The following SLC4A11 variants were observed in gnomAD, a reference collection of about 807,000 sequenced individuals.
The protein encoded by SLC4A11 is solute carrier family 4 member 11.
Under a neutral mutation model 95.0 loss-of-function variants are expected in SLC4A11, and 74 were observed. The ratio of observed to expected loss-of-function variants is 0.78; its 90% CI spans 0.65 to 0.95. The LOEUF (loss-of-function observed/expected upper bound fraction) is 0.95, where lower values mean the gene tolerates loss of function less well. Ranked by LOEUF, SLC4A11 falls within the 40% of genes least tolerant of loss-of-function variation. The pLI, the probability that SLC4A11 is intolerant of heterozygous loss-of-function variation, is 0.00. For synonymous variants in SLC4A11, 548 were observed against 519.0 expected (o/e 1.06, Z -0.76); for missense variants, 1,081 against 1,192.4 (o/e 0.91, Z 1.38).
At chr20:3,238,054 T>C (rs1226924624) in intron 1 of SLC4A11, 1 of 1,488,740 alleles carries the variant, frequency 6.7e-7, no homozygotes, top group Non-Finnish European at 9.0e-7. Flanking sequence ...CTGGGGGCCA[T>C]AAACGCCCAT....
In SLC4A11 at chr20:3,228,592, CAT is replaced by C. The variant is rs2122503902; in HGVS notation, c.2306_2307del (p.Tyr769TrpfsTer93). On this transcript the variant is annotated frameshift_variant, in exon 18 of 20. Coordinates refer to ENST00000642402, the MANE Select transcript of SLC4A11 (RefSeq NM_001174089.2). LOFTEE classifies it high-confidence loss of function. ...PLQWIPKPVL[Y>X]GLFLYIALTS... is the part of the protein sequence containing the mutation. ...GTGAGCGCGATGTAGAGGAAGAGGC[CAT>C]AGAGCACGGGCTTGGGGATCCACTG... 5 of 1,613,322 alleles carry C rather than the reference CAT, an allele frequency of 3.1e-6. No individual in the cohort carries two copies. The highest frequency in any genetic ancestry group is 4.2e-6 in the Non-Finnish European group (5 of 1,179,966).
intron 2 of SLC4A11, among the ~76,000 whole-genome samples, chr20:3,236,461 C>T (rs920412983): frequency 2.6e-5 from 4 of 152,062 alleles, no homozygotes; most frequent in Non-Finnish European, 5.9e-5. Flanking sequence ...TGGTGGCGGG[C>T]GCCTGTAGTC....
At chr20:3,229,060 G>GCTC in intron 16 of SLC4A11, 35 bp downstream of exon 16, 1 of 1,542,148 alleles carries the variant, frequency 6.5e-7, no homozygotes, top group Non-Finnish European at 8.7e-7. Flanking sequence ...AGAGGCCCGG[G>GCTC]CCCCGCCCAC....
chr20:3,231,543 G>A lies in SLC4A11; in HGVS notation c.735C>T (p.Ser245=), dbSNP rs150937996. Residue 245 remains serine (S), a synonymous_variant, in exon 8 of 20, where the codon AGC becomes AGT. Transcript: ENST00000642402. The surrounding 1 kb of genome is among the most constrained non-coding windows in gnomAD (Gnocchi z 5.2). ...ILVLAPPKMK[S]TKTAMEVART... ...GCGCCACCTCCATCGCAGTCTTAGT[G>A]CTTTTCTAGGGGTGGAGGATGGGAG... 5.0e-5 allele frequency: 80 copies of A among 1,612,904 alleles called. 2 individuals carry two copies. The African/African-American group carries it at 9.1e-4, about 18-fold the overall frequency.
In SLC4A11 at chr20:3,231,323, C is replaced by T; in HGVS notation, c.948+7G>A. The T allele has an allele frequency of 6.2e-7, 1 of 1,613,826 alleles. No individual in the cohort carries two copies. The highest frequency in any genetic ancestry group is 8.5e-7 in the Non-Finnish European group (1 of 1,180,020). ...CCTGCCGGCCCCCGCCGGCCTCTACCCTGTACCTCTGGGTGTCTGTGGGCA... is the reference window on the plus strand; with the variant it reads ...CCTGCCGGCCCCCGCCGGCCTCTACTCTGTACCTCTGGGTGTCTGTGGGCA... On this transcript the variant is annotated splice_region_variant and intron_variant, in intron 8 of 19. Coordinates refer to ENST00000642402, the MANE Select transcript of SLC4A11 (RefSeq NM_001174089.2). The surrounding 1 kb of genome is among the most constrained non-coding windows in gnomAD (Gnocchi z 5.2).
intron 7 of SLC4A11, among the ~76,000 whole-genome samples, chr20:3,232,290 C>T (rs1030625021): frequency 5.3e-5 from 8 of 152,272 alleles, no homozygotes; most frequent in African/African-American, 1.9e-4. Context: ...GAACCATGAA[C>T]TCACGAACTC....
chr20:3,228,289 G>A lies in SLC4A11; in HGVS notation c.2528C>T (p.Pro843Leu). The A allele has an allele frequency of 6.2e-7, 1 of 1,612,994 alleles. No homozygotes were observed. Among genetic ancestry groups the A allele is most frequent in the Non-Finnish European group, 8.5e-7 (1 of 1,179,958 alleles). ...SSLPYMKMIF[P>L]LIMIAMIPIR... The stretch of plus-strand genomic sequence containing the variant: ...GGGGATCATGGCGATCATGATGAGG[G>A]GAAAGATCATCTTCATGTAGGGCAG... The change falls in exon 19 of 20, where the codon CCC becomes CTC. Residue 843 changes from proline to leucine, a missense_variant. This residue lies in a region of SLC4A11 where 767 missense variants were observed against 858.0 expected (regional missense o/e 0.89). Coordinates refer to ENST00000642402, the MANE Select transcript of SLC4A11 (RefSeq NM_001174089.2).
chr20:3,238,881 A>C, intron 1 of SLC4A11: 1 of 1,248,346 alleles, frequency 8.0e-7, no homozygotes, highest in African/African-American at 1.6e-5. Flanking sequence ...GCAGAGCCCT[A>C]ATGAAACCAA....
rs35504816 is a variant in SLC4A11 at position 3,234,797 on chromosome 20, G to A, written c.186C>T (p.Gly62=). 18 of 1,614,014 alleles carry A rather than the reference G, an allele frequency of 1.1e-5. No individual in the cohort carries two copies. The highest frequency in any genetic ancestry group is 3.3e-5 in the South Asian group (3 of 91,068). The change falls in exon 3 of 20, where the codon GGC becomes GGT. Residue 62 remains glycine (G), a synonymous_variant. Transcript: ENST00000642402. This position sits in a 1 kb window ranked among gnomAD's most constrained non-coding sequence, Gnocchi z 5.8. The stretch of plus-strand genomic sequence containing the variant: ...CATTGACAAAAAAACGGATACTCTC[G>A]CCAGACACGATGGAGGAGTTGGCAG... ...FDTANSSIVS[G]ESIRFFVNVN...
At chr20:3,238,241 G>T in intron 1 of SLC4A11, 2 of 1,358,924 alleles carry the variant, frequency 1.5e-6, no homozygotes, top group South Asian at 4.1e-5. Context: ...GTCGGGGGAG[G>T]CTGCGCCCTC....
Position 3,227,861 on chromosome 20 carries a change from G to A in SLC4A11, c.2559-5C>T, listed in dbSNP as rs561993804. 31 of 1,612,454 alleles carry A rather than the reference G, an allele frequency of 1.9e-5. 1 individual carries two copies. In the East Asian group the frequency reaches 6.2e-4, roughly 32 times the overall value. On this transcript the variant is annotated splice_region_variant and splice_polypyrimidine_tract_variant and intron_variant, in intron 19 of 19. Transcript: ENST00000642402. ...ATTCGGGGCAGCAGGATATAGCTGT[G>A]GGGAGGGAGGGACAGGAGGATGAGC...
At chr20:3,235,808 T>C (rs1034424432) in intron 2 of SLC4A11, among the ~76,000 whole-genome samples, 5 of 152,102 alleles carry the variant, frequency 3.3e-5, no homozygotes, top group Non-Finnish European at 7.4e-5. Context: ...CCCTGACCAC[T>C]GGCTCCTCAG....
At position 3,230,247 on chromosome 20, in the gene SLC4A11, TCTC is replaced by T. The variant is rs1331547550; in HGVS notation, c.1426_1428del (p.Glu476del). The T allele has an allele frequency of 1.2e-6, 2 of 1,613,484 alleles. No homozygotes were observed. The highest frequency in any genetic ancestry group is 1.7e-5 in the Admixed American group (1 of 60,022). ...GTGATGGAAATGAAGAGGGCGATGA[TCTC>T]CTCCGTCGACCTGCCAGGAGGCCAT... On this transcript the variant is annotated inframe_deletion, in exon 13 of 20. Transcript: ENST00000642402.
In SLC4A11 at chr20:3,237,553, C is replaced by T. The variant is rs375415674; in HGVS notation, c.79G>A (p.Glu27Lys). 39 of 1,613,954 alleles carry T rather than the reference C, an allele frequency of 2.4e-5. No individual in the cohort carries two copies. The highest frequency in any genetic ancestry group is 1.6e-4 in the African/African-American group (12 of 74,926). The change falls in exon 2 of 20, where the codon GAG becomes AAG. Residue 27 changes from glutamate (E) to lysine (K), a missense_variant. Transcript: ENST00000642402. ...SPTMSQNGYF[E>K]DSSYYKCDTD... ...CCCGAGAGGTACTCACTTGAATCCT[C>T]GAAGTATCCATTCTGCGACATGGTG...
intron 19 of SLC4A11, 106 bp downstream of exon 19, chr20:3,228,153 C>CCCCAAA: frequency 2.0e-6 from 2 of 1,017,552 alleles, no homozygotes; most frequent in Non-Finnish European, 3.0e-6. Flanking sequence ...CCAACCCGCC[C>CCCCAAA]ATTCTCCGCC....
At position 3,227,826 on chromosome 20, in the gene SLC4A11, G is replaced by A; in HGVS notation, c.2589C>T (p.Ala863=). 6.2e-7 allele frequency: 1 copy of A among 1,613,222 alleles called. No individual in the cohort carries two copies. Among genetic ancestry groups the A allele is most frequent in the African/African-American group, 1.3e-5 (1 of 75,028 alleles). ...CAGCGTCCATGACATCCAAGTACTTGGCTTCAATGATTCGGGGCAGCAGGA... is the reference window on the plus strand; with the variant it reads ...CAGCGTCCATGACATCCAAGTACTTAGCTTCAATGATTCGGGGCAGCAGGA... The part of the protein sequence containing the change: ...RYILLPRIIE[A]KYLDVMDAEH... Residue 863 remains alanine (A), a synonymous_variant, in exon 20 of 20, where the codon GCC becomes GCT. Coordinates refer to ENST00000642402, the MANE Select transcript of SLC4A11 (RefSeq NM_001174089.2).
At chr20:3,238,127 C>A (rs1398630537) in intron 1 of SLC4A11, 3 of 1,452,990 alleles carry the variant, frequency 2.1e-6, no homozygotes, top group African/African-American at 1.4e-5. Context: ...CGACAGGCAA[C>A]GGTCTCCAGT....
At chr20:3,229,069 A>ACCCCCCCCCCC in intron 16 of SLC4A11, 26 bp downstream of exon 16, 1 of 193,714 alleles carries the variant, frequency 5.2e-6, no homozygotes. Context: ...GGCCCCGCCC[A>ACCCCCCCCCCC]CCCCACCCTC....
At chr20:3,238,962 C>T in intron 1 of SLC4A11, 133 bp downstream of exon 1, 1 of 1,294,168 alleles carries the variant, frequency 7.7e-7, no homozygotes, top group Non-Finnish European at 9.8e-7. Context: ...CTGGGAATCC[C>T]GCAGCCCTCT....
Sources: gnomAD v4.1 joint callset for allele counts (sites outside exome capture counted in the v4.1 genomes callset) on GRCh38, gnomAD v4.1.1 for gene constraint, gnomAD v4.1.1 regional missense constraint, Gnocchi (gnomAD v3.1) non-coding constraint, MANE v1.5 for transcripts, NCBI Gene and HGNC (gene_info 2026-07-23, HGNC 2026-07-21) for gene names.